Variants in KRTDAP observed in about 807,000 individuals in gnomAD.
KRTDAP encodes the protein keratinocyte differentiation-associated protein.
A neutral mutation model predicts 18.6 loss-of-function variants in KRTDAP; 14 were observed. That is an observed-to-expected ratio of 0.75 (90% CI 0.50 to 1.18). KRTDAP has a LOEUF of 1.18. Ranked by LOEUF, KRTDAP falls within the 50% of genes most tolerant of loss-of-function variation. The pLI, the probability that KRTDAP is intolerant of heterozygous loss-of-function variation, is 0.00. For missense variants in KRTDAP, 114 were observed against 121.3 expected (o/e 0.94, Z 0.28); for synonymous variants, 53 against 49.5 (o/e 1.07, Z -0.29).
Position 35,488,848 on chromosome 19 carries a change from A to G in KRTDAP, c.88-8T>C, listed in dbSNP as rs1599755652. 1 of 1,613,694 alleles carries G rather than the reference A, an allele frequency of 6.2e-7. No individual in the cohort carries two copies. The highest frequency in any genetic ancestry group is 2.2e-5 in the East Asian group (1 of 44,884). On this transcript the variant is annotated splice_polypyrimidine_tract_variant and splice_region_variant and intron_variant, in intron 1 of 5. Coordinates refer to ENST00000338897, the MANE Select transcript of KRTDAP (RefSeq NM_207392.3). ...CTCAATGGTGCTTTCTTCCTGGAAA[A>G]GGAGAGGGAGAAAAGGCGGCAGGGG...
intron 5 of KRTDAP, 84 bp from the exon 6 acceptor site, chr19:35,487,550 C>A: frequency 1.5e-6 from 2 of 1,334,872 alleles, no homozygotes; most frequent in Non-Finnish European, 2.2e-6. Context: ...ATTTCTGCCT[C>A]GGTGTGAGTT....
Position 35,487,363 on chromosome 19 carries a change from G to T in KRTDAP, c.*65C>A. 1 of 1,469,222 alleles carries T rather than the reference G, an allele frequency of 6.8e-7. No homozygotes were observed. Among genetic ancestry groups the T allele is most frequent in the Non-Finnish European group, 9.5e-7 (1 of 1,047,220 alleles). The allele number at this position is 1,469,222 out of a possible 1,614,324, so 91.0% of individuals were successfully genotyped here. On this transcript the variant is annotated 3_prime_UTR_variant, in exon 6 of 6. Transcript: ENST00000338897. The stretch of plus-strand genomic sequence containing the variant: ...TGTTTTATTGGAGTTCCTGAGGCAG[G>T]AAAGAGTTATGGTAGGTTGAGAATC...
chr19:35,489,180 G>A (rs767448573), intron 1 of KRTDAP, among the ~76,000 whole-genome samples: 35 of 152,216 alleles, frequency 2.3e-4, no homozygotes, highest in Non-Finnish European at 3.2e-4. Context: ...CGCTCAGTCC[G>A]TATAGCTGGA....
chr19:35,489,180 G>C (rs767448573), intron 1 of KRTDAP, among the ~76,000 whole-genome samples: 1 of 152,216 alleles, frequency 6.6e-6, no homozygotes, highest in African/African-American at 2.4e-5. Flanking sequence ...CGCTCAGTCC[G>C]TATAGCTGGA....
At chr19:35,488,072 G>A (rs1205718279) in intron 4 of KRTDAP, among the ~76,000 whole-genome samples, 1 of 152,220 alleles carries the variant, frequency 6.6e-6, no homozygotes, top group East Asian at 1.9e-4. Flanking sequence ...TGAGAAGTCA[G>A]TGCAGAGTCA....
chr19:35,487,934 C>T (rs893521828), intron 4 of KRTDAP, among the ~76,000 whole-genome samples, 175 bp from the exon 5 acceptor site: 12 of 152,156 alleles, frequency 7.9e-5, no homozygotes, highest in African/African-American at 2.2e-4. Context: ...CTGCCTTGCA[C>T]GGGCTGCTCT....
chr19:35,488,263 G>A (rs2067502792), intron 4 of KRTDAP, among the ~76,000 whole-genome samples, 178 bp downstream of exon 4: 1 of 152,232 alleles, frequency 6.6e-6, no homozygotes, highest in African/African-American at 2.4e-5. Flanking sequence ...GGGTAGCCAG[G>A]ACTGGCGCCG....
rs889476274 is a variant in KRTDAP, at chr19:35,490,395, C to T, written c.48G>A (p.Val16=). The T allele has an allele frequency of 1.2e-6, 2 of 1,613,726 alleles. No homozygotes were observed. The highest frequency in any genetic ancestry group is 1.7e-6 in the Non-Finnish European group (2 of 1,179,786). ...LPAVVLLSLL[V]LHSAQGATLG... The stretch of plus-strand genomic sequence containing the variant: ...GGGTGGCTCCCTGGGCAGAGTGGAG[C>T]ACCAGGAGGGAGAGGAGCACCACGG... Residue 16 remains valine, a synonymous_variant, in exon 1 of 6, where the codon GTG becomes GTA. Transcript: ENST00000338897.
intron 1 of KRTDAP, among the ~76,000 whole-genome samples, chr19:35,489,625 C>A (rs1157392762): frequency 6.6e-6 from 1 of 152,162 alleles, no homozygotes; most frequent in Admixed American, 6.5e-5. Flanking sequence ...GCCCCCCCAG[C>A]TCAGTGACAC....
intron 1 of KRTDAP, among the ~76,000 whole-genome samples, chr19:35,490,043 G>A (rs1343463015): frequency 2.4e-5 from 3 of 126,300 alleles, no homozygotes; most frequent in East Asian, 2.0e-4. Flanking sequence ...CAGCTGGAAC[G>A]GAATGGGTGA....
intron 1 of KRTDAP, among the ~76,000 whole-genome samples, chr19:35,489,046 A>T (rs933965722): frequency 1.3e-5 from 2 of 152,194 alleles, no homozygotes; most frequent in African/African-American, 4.8e-5. Flanking sequence ...TGGTACATGT[A>T]AGCAGTGTCA....
chr19:35,488,183 C>G (rs1025602481), intron 4 of KRTDAP, among the ~76,000 whole-genome samples: 4 of 152,132 alleles, frequency 2.6e-5, no homozygotes, highest in African/African-American at 9.7e-5. Context: ...AAATCTTGAC[C>G]GATTAGCCTC....
intron 4 of KRTDAP, among the ~76,000 whole-genome samples, chr19:35,488,047 T>C (rs2067501407): frequency 6.6e-6 from 1 of 152,162 alleles, no homozygotes; most frequent in Non-Finnish European, 1.5e-5. Context: ...CTGAAGGCGT[T>C]CGCATGAGGC....
At position 35,488,227 on chromosome 19, in the gene KRTDAP, C is replaced by T. The variant is rs553401075; in HGVS notation, c.213+214G>A. On this transcript the variant is annotated intron_variant, in intron 4 of 5. Coordinates refer to ENST00000338897, the MANE Select transcript of KRTDAP (RefSeq NM_207392.3). ...CTGCAATTGTCCTTGGGGCCCTGCT[C>T]CTCCACCACCATCTTAGGAAAACAC... Among the ~76,000 whole-genome samples, 245 of 152,314 alleles carry T rather than the reference C, an allele frequency of 1.6e-3. 1 individual carries two copies. Among genetic ancestry groups the T allele is most frequent in the African/African-American group, 5.7e-3 (235 of 41,562 alleles).
At chr19:35,488,530 G>A in intron 3 of KRTDAP, 45 bp from the exon 4 acceptor site, 1 of 1,610,120 alleles carries the variant, frequency 6.2e-7, no homozygotes, top group Non-Finnish European at 8.5e-7. Flanking sequence ...CTCCAGGGGA[G>A]GCCAGAGCTT....
intron 1 of KRTDAP, 28 bp from the exon 2 acceptor site, chr19:35,488,868 C>G: frequency 1.2e-6 from 2 of 1,611,596 alleles, no homozygotes; most frequent in South Asian, 2.2e-5. Context: ...GAAAAGGCGG[C>G]AGGGGGTCAC....
chr19:35,488,091 G>A (rs924187489), intron 4 of KRTDAP, among the ~76,000 whole-genome samples: 21 of 152,186 alleles, frequency 1.4e-4, no homozygotes, highest in Admixed American at 3.3e-4. Flanking sequence ...CAGGAGACGC[G>A]GGCCCCAGCT....
At chr19:35,488,395 A>ATGAC in intron 4 of KRTDAP, 46 bp downstream of exon 4, 1 of 1,598,758 alleles carries the variant, frequency 6.3e-7, no homozygotes. Context: ...CTACCCTGGG[A>ATGAC]TGACTGCAGA....
Position 35,488,493 on chromosome 19 carries a change from G to T in KRTDAP, c.169-8C>A. The T allele has an allele frequency of 5.0e-6, 8 of 1,613,862 alleles. No individual in the cohort carries two copies. Among genetic ancestry groups the T allele is most frequent in the Non-Finnish European group, 5.9e-6 (7 of 1,179,882 alleles). Reference sequence around the variant, plus strand: ...CTCATCAGCCTTAAACGCCTGAGGAGGAAGAGAGACAGCAGAAGCAGGTCA... The same window carrying T: ...CTCATCAGCCTTAAACGCCTGAGGATGAAGAGAGACAGCAGAAGCAGGTCA... On this transcript the variant is annotated splice_polypyrimidine_tract_variant and splice_region_variant and intron_variant, in intron 3 of 5. Coordinates refer to ENST00000338897, the MANE Select transcript of KRTDAP (RefSeq NM_207392.3).
Sources: gnomAD v4.1 joint callset for allele counts (sites outside exome capture counted in the v4.1 genomes callset) on GRCh38, gnomAD v4.1.1 for gene constraint, MANE v1.5 for transcripts, NCBI Gene and HGNC (gene_info 2026-07-23, HGNC 2026-07-21) for gene names.